The following CCDC47 variants were observed in gnomAD, a reference collection of about 807,000 sequenced individuals.
CCDC47 encodes the protein PAT complex subunit CCDC47.
In CCDC47, 41 loss-of-function variants were observed where a neutral mutation model predicts 60.5. That is an observed-to-expected ratio of 0.68 (90% CI 0.53 to 0.88). The LOEUF (loss-of-function observed/expected upper bound fraction) is 0.88, where lower values mean the gene tolerates loss of function less well. Among genes scored for constraint, CCDC47 ranks in the 40% least tolerant of loss-of-function variants. CCDC47 has a pLI of 0.00. For synonymous variants in CCDC47, 195 were observed against 190.7 expected (o/e 1.02, Z -0.18); for missense variants, 513 against 580.9 (o/e 0.88, Z 1.20).
Position 63,747,655 on chromosome 17 carries a change from A to G in CCDC47, c.1372-694T>C, listed in dbSNP as rs550250378. The G allele has an allele frequency of 3.7e-5, 36 of 985,424 alleles. No homozygotes were observed. In the East Asian group the frequency reaches 9.1e-4, roughly 25 times the overall value. The allele number at this position is 985,424 out of a possible 1,614,324, so 61.0% of individuals were successfully genotyped here. A position where few individuals can be genotyped will look rare whatever the true frequency, so the allele number is the denominator to read the frequency against. ...TCACACCTGATTAAAAGTTTATTTCAGCTACAATCTCAAACTTCTTATTTT... is the reference window on the plus strand; with the variant it reads ...TCACACCTGATTAAAAGTTTATTTCGGCTACAATCTCAAACTTCTTATTTT... On this transcript the variant is annotated intron_variant, in intron 12 of 12. Transcript: ENST00000225726.
Position 63,766,023 on chromosome 17 carries a change from A to T in CCDC47, c.153T>A (p.Thr51=). 1 of 1,614,054 alleles carries T rather than the reference A, an allele frequency of 6.2e-7. No homozygotes were observed. The part of the protein sequence containing the change: ...EFEDVMEDSV[T]ESPQRVIITE... ...TGATTATGACCCGTTGAGGAGATTCAGTAACAGAGTCTTCCATGACATCCT... is the reference window on the plus strand; with the variant it reads ...TGATTATGACCCGTTGAGGAGATTCTGTAACAGAGTCTTCCATGACATCCT... The change falls in exon 2 of 13, where the codon ACT becomes ACA. Residue 51 remains threonine, a synonymous_variant. Transcript: ENST00000225726.
rs1160624675 is a variant in CCDC47 at position 63,754,962 on chromosome 17, G to A, written c.949-444C>T. ...CAATGTCCTTCATTAAGACCAAAGC[G>A]TGTTCATTGCTTTTTATTTATTTTT... On this transcript the variant is annotated intron_variant, in intron 8 of 12. Coordinates refer to ENST00000225726, the MANE Select transcript of CCDC47 (RefSeq NM_020198.3). 2.6e-5 allele frequency among the ~76,000 whole-genome samples: 4 copies of A among 151,382 alleles called. 1 individual carries two copies. The highest frequency in any genetic ancestry group is 2.1e-4 in the South Asian group (1 of 4,812).
At chr17:63,772,544 C>G (rs947037362) in intron 1 of CCDC47, among the ~76,000 whole-genome samples, 1 of 152,102 alleles carries the variant, frequency 6.6e-6, no homozygotes, top group East Asian at 1.9e-4. Flanking sequence ...TGGGCCACCG[C>G]GCCCAGCCTC....
intron 1 of CCDC47, among the ~76,000 whole-genome samples, chr17:63,768,555 T>C (rs2039313219): frequency 6.6e-6 from 1 of 151,996 alleles, no homozygotes; most frequent in Non-Finnish European, 1.5e-5. Context: ...CTGGGTTTGG[T>C]GGCATGTGCC....
chr17:63,768,315 T>C (rs2039311451), intron 1 of CCDC47, among the ~76,000 whole-genome samples: 2 of 152,196 alleles, frequency 1.3e-5, no homozygotes, highest in South Asian at 4.1e-4. Context: ...TGTGCTACAA[T>C]ATTATTTATG....
chr17:63,754,611 G>T, intron 8 of CCDC47, 93 bp from the exon 9 acceptor site: 5 of 740,606 alleles, frequency 6.8e-6, no homozygotes, highest in Non-Finnish European at 6.7e-6. Flanking sequence ...TGGTGCAACG[G>T]CTCACACCAG....
intron 6 of CCDC47, among the ~76,000 whole-genome samples, chr17:63,760,086 CAATG>C (rs1482409490): frequency 1.8e-5 from 2 of 108,880 alleles, no homozygotes; most frequent in South Asian, 6.1e-4. Context: ...AAAAAAGAAA[CAATG>C]AAGAAGGAAT....
chr17:63,762,152 A>C, intron 4 of CCDC47: 1 of 984,730 alleles, frequency 1.0e-6, no homozygotes, highest in Non-Finnish European at 1.2e-6. Flanking sequence ...TCTAGAAAAA[A>C]GCTCAAATTC....
chr17:63,772,396 G>T (rs567744117), intron 1 of CCDC47, among the ~76,000 whole-genome samples: 1 of 151,682 alleles, frequency 6.6e-6, no homozygotes, highest in East Asian at 2.0e-4. Context: ...TGGGACTACA[G>T]GCGCTCGCCA....
intron 1 of CCDC47, among the ~76,000 whole-genome samples, chr17:63,768,052 C>T (rs2039309788): frequency 6.6e-6 from 1 of 152,138 alleles, no homozygotes; most frequent in South Asian, 2.1e-4. Context: ...CCCTACTTTT[C>T]CTCCCTAAAA....
intron 9 of CCDC47, chr17:63,753,242 T>C (rs1568246792): frequency 2.2e-6 from 2 of 899,958 alleles, no homozygotes; most frequent in Non-Finnish European, 2.7e-6. Context: ...AGGGATAATC[T>C]ACTACAGCAT....
In CCDC47 at chr17:63,752,357, G is replaced by T. The variant is rs888256764; in HGVS notation, c.1166C>A (p.Ser389Tyr). 1.7e-5 allele frequency: 27 copies of T among 1,613,852 alleles called. No homozygotes were observed. The highest frequency in any genetic ancestry group is 2.3e-5 in the Non-Finnish European group (27 of 1,179,816). ...LLPLMNMVIY[S>Y]IDKAKKFRLN... ...TCGGAACTTTTTGGCTTTATCAATAGAATAAATCACCATGTTCATCAGGGG... is the reference window on the plus strand; with the variant it reads ...TCGGAACTTTTTGGCTTTATCAATATAATAAATCACCATGTTCATCAGGGG... Residue 389 changes from serine (S) to tyrosine (Y), a missense_variant, in exon 11 of 13, where the codon TCT (serine) becomes TAT (tyrosine). By Grantham distance (144) the Ser-to-Tyr change is moderately radical. Coordinates refer to ENST00000225726, the MANE Select transcript of CCDC47 (RefSeq NM_020198.3).
intron 5 of CCDC47, 26 bp downstream of exon 5, chr17:63,761,204 T>C (rs2039256786): frequency 1.2e-6 from 2 of 1,613,884 alleles, no homozygotes; most frequent in South Asian, 2.2e-5. Flanking sequence ...GGAAGATATA[T>C]ATCGTACAAG....
At chr17:63,756,394 T>C in intron 7 of CCDC47, 44 bp from the exon 8 acceptor site, 1 of 1,586,898 alleles carries the variant, frequency 6.3e-7, no homozygotes, top group Non-Finnish European at 8.7e-7. Context: ...CCTTTTATTA[T>C]GCAATGAAGC....
chr17:63,759,643 C>A (rs1226554636), intron 6 of CCDC47, among the ~76,000 whole-genome samples: 1 of 142,946 alleles, frequency 7.0e-6, no homozygotes, highest in African/African-American at 2.5e-5. Flanking sequence ...AAAGCACTTA[C>A]TAACCAAATA....
chr17:63,747,909 C>T (rs2039132641), intron 12 of CCDC47: 4 of 416,754 alleles, frequency 9.6e-6, no homozygotes, highest in Non-Finnish European at 1.3e-5. Flanking sequence ...GGCTGGAGTG[C>T]AGTGGCACAA....
Position 63,745,877 on chromosome 17 carries a change from G to T in CCDC47, c.*1004C>A, listed in dbSNP as rs1233467759. The T allele has an allele frequency of 6.6e-6, 1 of 152,180 alleles. No individual in the cohort carries two copies. The highest frequency in any genetic ancestry group is 1.5e-5 in the Non-Finnish European group (1 of 68,034). The allele number at this position is 152,180 out of a possible 1,614,324, so 9.4% of individuals were successfully genotyped here. A position where few individuals can be genotyped will look rare whatever the true frequency, so the allele number is the denominator to read the frequency against. On this transcript the variant is annotated 3_prime_UTR_variant, in exon 13 of 13. Coordinates refer to ENST00000225726, the MANE Select transcript of CCDC47 (RefSeq NM_020198.3). ...CAAGAGGTGGAAAGAACTCTCAATA[G>T]TTTAGGAAAGCTCATTTTCAAAAGT...
At chr17:63,751,607 T>C (rs1452160901) in intron 12 of CCDC47, among the ~76,000 whole-genome samples, 1 of 152,116 alleles carries the variant, frequency 6.6e-6, no homozygotes, top group Non-Finnish European at 1.5e-5. Context: ...TTTATTTAGA[T>C]AATAGGGCGC....
chr17:63,753,432 T>C (rs2039181905), intron 9 of CCDC47: 3 of 184,438 alleles, frequency 1.6e-5, no homozygotes, highest in Non-Finnish European at 3.1e-5. Context: ...TCTAGAGGCA[T>C]AAGGACCTGA....
Sources: allele counts gnomAD v4.1 joint callset (sites outside exome capture counted in the v4.1 genomes callset), GRCh38; gene constraint gnomAD v4.1.1; transcripts MANE v1.5; gene names NCBI Gene and HGNC (gene_info 2026-07-23, HGNC 2026-07-21).